Variants in RUFY4 observed in about 807,000 individuals in gnomAD.
RUFY4 encodes the protein RUN and FYVE domain-containing protein 4.
In RUFY4, 73 loss-of-function variants were observed where a neutral mutation model predicts 69.0. That is an observed-to-expected ratio of 1.06 (90% CI 0.88 to 1.29). The LOEUF is 1.29. Among genes scored for constraint, RUFY4 ranks in the 50% most tolerant of loss-of-function variants. RUFY4 has a pLI of 0.00. For synonymous variants in RUFY4, 287 were observed against 271.8 expected (o/e 1.06, Z -0.55); for missense variants, 770 against 705.6 (o/e 1.09, Z -1.03).
At chr2:218,060,961 T>C in intron 3 of RUFY4, 2 of 832,930 alleles carry the variant, frequency 2.4e-6, no homozygotes, top group Non-Finnish European at 4.3e-6. Flanking sequence ...TGGGTCAGTG[T>C]GCGTGTGGCA....
chr2:218,071,101 A>G (rs1003519056), intron 2 of RUFY4, among the ~76,000 whole-genome samples: 3 of 152,074 alleles, frequency 2.0e-5, no homozygotes, highest in Admixed American at 2.0e-4. Context: ...CCTGGGGGCA[A>G]CCCCCACTGC....
intron 2 of RUFY4, 85 bp from the exon 5 acceptor site, chr2:218,072,289 T>A: frequency 6.8e-7 from 1 of 1,479,062 alleles, no homozygotes; most frequent in South Asian, 1.3e-5. Context: ...TCTCCTCCAG[T>A]ACATGTCCCC....
chr2:218,061,449 G>T, intron 3 of RUFY4: 1 of 205,610 alleles, frequency 4.9e-6, no homozygotes, highest in Non-Finnish European at 1.0e-5. Context: ...ATAGAAGAGA[G>T]AAGAGGATTA....
At chr2:218,052,836 A>G (rs1229710946) in intron 2 of RUFY4, among the ~76,000 whole-genome samples, 5 of 122,878 alleles carry the variant, frequency 4.1e-5, no homozygotes, top group Middle Eastern at 3.8e-3. Flanking sequence ...GGCAGGTCTA[A>G]GGTTTTTTTT....
At chr2:218,085,485 C>T (rs1212241883) in intron 9 of RUFY4, among the ~76,000 whole-genome samples, 4 of 152,088 alleles carry the variant, frequency 2.6e-5, no homozygotes, top group East Asian at 1.9e-4. Flanking sequence ...AAACTTAAAA[C>T]GGAGAGAAAA....
chr2:218,084,324 C>T (rs1559438443), intron 9 of RUFY4, among the ~76,000 whole-genome samples: 2 of 151,980 alleles, frequency 1.3e-5, no homozygotes, highest in East Asian at 1.9e-4. Flanking sequence ...CTCTGCGTCC[C>T]GGATTCAAGC....
upstream of RUFY4, among the ~76,000 whole-genome samples, chr2:218,067,266 G>A (rs1240751408): frequency 4.6e-5 from 7 of 152,242 alleles, no homozygotes; most frequent in Admixed American, 4.6e-4. Context: ...TCTGCCTTCT[G>A]CCCTCCCAAT....
In RUFY4 at chr2:218,072,292, A is replaced by C. The variant is rs1458975852; in HGVS notation, c.154-82A>C. The C allele has an allele frequency of 9.4e-6, 14 of 1,486,614 alleles. No individual in the cohort carries two copies. The East Asian group carries it at 3.4e-4, about 37-fold the overall frequency. 92.1% of individuals were successfully genotyped at this position (1,486,614 alleles called of 1,614,324 possible). A position where few individuals can be genotyped will look rare whatever the true frequency, so the allele number is the denominator to read the frequency against. On this transcript the variant is annotated intron_variant, in intron 2 of 10. Transcript: ENST00000344321. The stretch of plus-strand genomic sequence containing the variant: ...CTGCAGGAGCCCTCTCCTCCAGTAC[A>C]TGTCCCCTCAGCAAGCTAGAATGCA...
chr2:218,086,648 A>G (rs1689900506), intron 9 of RUFY4, among the ~76,000 whole-genome samples: 1 of 152,218 alleles, frequency 6.6e-6, no homozygotes, highest in Non-Finnish European at 1.5e-5. Context: ...TGCCTCCCAC[A>G]TAGCCTTTCA....
At chr2:218,070,395 G>T (rs571381748), upstream of RUFY4, 33 of 620,658 alleles carry the variant, frequency 5.3e-5, no homozygotes, top group Non-Finnish European at 8.8e-5. Context: ...ATCGGTGGAG[G>T]CCACACCATC....
At chr2:218,056,086 C>T (rs1040808056) in intron 2 of RUFY4, among the ~76,000 whole-genome samples, 2 of 152,198 alleles carry the variant, frequency 1.3e-5, no homozygotes, top group South Asian at 4.1e-4. Context: ...ACACTCTCTG[C>T]TTTAATTCAG....
chr2:218,070,430 T>C (rs950773375), upstream of RUFY4: 5 of 655,046 alleles, frequency 7.6e-6, no homozygotes, highest in African/African-American at 7.1e-5. Context: ...GCCTACAAGA[T>C]AGAGCTGGGA....
chr2:218,044,151 G>C (rs992179672), intron 2 of RUFY4, among the ~76,000 whole-genome samples: 1 of 152,186 alleles, frequency 6.6e-6, no homozygotes, highest in Non-Finnish European at 1.5e-5. Flanking sequence ...AGGATCTACA[G>C]CTAGGCTTGG....
chr2:218,045,508 C>T (rs977130263), intron 2 of RUFY4, among the ~76,000 whole-genome samples: 1 of 151,926 alleles, frequency 6.6e-6, no homozygotes, highest in African/African-American at 2.4e-5. Context: ...AAAAATTTCC[C>T]TAAATCTAGA....
intron 2 of RUFY4, among the ~76,000 whole-genome samples, chr2:218,045,839 C>G (rs910340034): frequency 4.7e-5 from 7 of 149,888 alleles, no homozygotes; most frequent in Non-Finnish European, 8.8e-5. Flanking sequence ...GAGTCTCGCT[C>G]TGTTGCCCAG....
chr2:218,088,080 C>T (rs1040214983), intron 9 of RUFY4, among the ~76,000 whole-genome samples: 2 of 152,022 alleles, frequency 1.3e-5, no homozygotes, highest in Non-Finnish European at 1.5e-5. Flanking sequence ...CCACTGAGAA[C>T]AAGAAAGAGA....
intron 2 of RUFY4, among the ~76,000 whole-genome samples, chr2:218,051,462 C>G (rs1365372191): frequency 6.9e-6 from 1 of 145,692 alleles, no homozygotes; most frequent in Admixed American, 6.9e-5. Context: ...ACAAAATATA[C>G]AAAAGCTAAT....
exon 7 of RUFY4, chr2:218,075,499 A>T (rs368023185): frequency 8.2e-6 from 13 of 1,583,892 alleles, no homozygotes; most frequent in Non-Finnish European, 1.1e-5. Context: ...CACAAAAAGG[A>T]AGCAGAGTGG....
upstream of RUFY4, chr2:218,070,473 C>T (rs1689459207): frequency 2.5e-6 from 2 of 784,406 alleles, no homozygotes; most frequent in Non-Finnish European, 4.3e-6. Context: ...GCTATGTCAC[C>T]CAAGATTAGT....
Sources: gnomAD v4.1 joint callset for allele counts (sites outside exome capture counted in the v4.1 genomes callset) on GRCh38, gnomAD v4.1.1 for gene constraint, MANE v1.5 for transcripts, NCBI Gene and HGNC (gene_info 2026-07-23, HGNC 2026-07-21) for gene names.